The following ADCY9 variants were observed in gnomAD, a reference collection of about 807,000 sequenced individuals.
ADCY9 encodes adenylate cyclase 9.
A neutral mutation model predicts 101.5 loss-of-function variants in ADCY9; 50 were observed. The ratio of observed to expected loss-of-function variants is 0.49; its 90% CI spans 0.39 to 0.62. ADCY9 has a LOEUF of 0.62. Among genes scored for constraint, ADCY9 ranks in the 20% least tolerant of loss-of-function variants. The pLI is 0.00. For synonymous variants in ADCY9, 905 were observed against 769.3 expected (o/e 1.18, Z -2.92); for missense variants, 1,662 against 1,800.4 (o/e 0.92, Z 1.39).
At chr16:4,023,160 G>A (rs1444061061) in intron 2 of ADCY9, among the ~76,000 whole-genome samples, 1 of 152,226 alleles carries the variant, frequency 6.6e-6, no homozygotes, top group Admixed American at 6.5e-5. Context: ...GAAACAAGAA[G>A]TTGTTTGTTT....
At chr16:4,056,440 G>C (rs900669567) in intron 2 of ADCY9, among the ~76,000 whole-genome samples, 17 of 152,180 alleles carry the variant, frequency 1.1e-4, no homozygotes, top group African/African-American at 3.9e-4. Context: ...TTTTAGTAGA[G>C]ATGGTGTTTC....
rs577726854 is a variant in ADCY9, at chr16:4,026,532, G to A, written c.1694-18974C>T. Among the ~76,000 whole-genome samples the A allele has an allele frequency of 6.4e-4, 97 of 151,466 alleles. 1 individual carries two copies. The highest frequency in any genetic ancestry group is 2.3e-3 in the African/African-American group (94 of 41,248). ...ATCAAACCTTATGTTTACAAAAAAC[G>A]CTGTACGCAAATGTTTGTAGCGGCA... On this transcript the variant is annotated intron_variant, in intron 2 of 10. Transcript: ENST00000294016.
rs528327550 is a variant in ADCY9 at position 4,052,444 on chromosome 16, C to T, written c.1694-44886G>A. Among the ~76,000 whole-genome samples, 38 of 152,056 alleles carry T rather than the reference C, an allele frequency of 2.5e-4. No individual in the cohort carries two copies. In the South Asian group the frequency reaches 7.5e-3, roughly 30 times the overall value. ...TCTGCAGTCTATTCTCAAATTATTCCGGAAAAAAGGGATGTGTGTATGTGG... is the reference window on the plus strand; with the variant it reads ...TCTGCAGTCTATTCTCAAATTATTCTGGAAAAAAGGGATGTGTGTATGTGG... On this transcript the variant is annotated intron_variant, in intron 2 of 10. Coordinates refer to ENST00000294016, the MANE Select transcript of ADCY9 (RefSeq NM_001116.4).
At chr16:3,954,072 C>G (rs571276683) in intron 5 of ADCY9, among the ~76,000 whole-genome samples, 1 of 152,308 alleles carries the variant, frequency 6.6e-6, no homozygotes, top group African/African-American at 2.4e-5. Context: ...GATTTTTCCA[C>G]TTGGCACTCA....
At chr16:4,080,354 C>T (rs2056893822) in intron 2 of ADCY9, among the ~76,000 whole-genome samples, 1 of 152,184 alleles carries the variant, frequency 6.6e-6, no homozygotes, top group Admixed American at 6.5e-5. Context: ...AGTGATTCTC[C>T]TGCCTTAGCC....
At chr16:3,957,419 T>C (rs2055913716) in intron 5 of ADCY9, among the ~76,000 whole-genome samples, 1 of 151,902 alleles carries the variant, frequency 6.6e-6, no homozygotes, top group African/African-American at 2.4e-5. Flanking sequence ...GTCATTCTCT[T>C]GAAGTCAAAG....
intron 3 of ADCY9, among the ~76,000 whole-genome samples, chr16:4,000,228 A>G (rs1337215787): frequency 6.6e-6 from 1 of 152,240 alleles, no homozygotes; most frequent in Non-Finnish European, 1.5e-5. Flanking sequence ...GTAAGCAACC[A>G]CGATGCAGGT....
intron 2 of ADCY9, among the ~76,000 whole-genome samples, chr16:4,064,424 T>C (rs763916915): frequency 1.3e-5 from 2 of 152,220 alleles, no homozygotes; most frequent in Non-Finnish European, 2.9e-5. Context: ...GAGTTGATTA[T>C]ACTACTCTCT....
At chr16:4,089,218 G>A (rs1372597272) in intron 2 of ADCY9, among the ~76,000 whole-genome samples, 1 of 152,000 alleles carries the variant, frequency 6.6e-6, no homozygotes. Flanking sequence ...GGGACCACAG[G>A]TGCATGCCAC....
intron 6 of ADCY9, among the ~76,000 whole-genome samples, chr16:3,985,234 G>A (rs1018606358): frequency 6.8e-6 from 1 of 147,904 alleles, no homozygotes; most frequent in Non-Finnish European, 1.5e-5. Context: ...CCGCCTCCCA[G>A]GTTCAAGCAA....
chr16:4,097,700 C>A (rs542820316), intron 2 of ADCY9, among the ~76,000 whole-genome samples: 37 of 151,096 alleles, frequency 2.4e-4, no homozygotes, highest in Middle Eastern at 3.4e-3. Flanking sequence ...GTGCCCACCA[C>A]CATGCCCAGC....
intron 2 of ADCY9, among the ~76,000 whole-genome samples, chr16:4,098,727 G>A (rs2057024239): frequency 1.3e-5 from 2 of 152,110 alleles, no homozygotes; most frequent in South Asian, 4.1e-4. Flanking sequence ...GATGCAAGAT[G>A]GAAAAGAGAG....
rs2056161354 is a variant in ADCY9 at position 3,983,313 on chromosome 16, G to C, written c.2438C>G (p.Thr813Ser). The C allele has an allele frequency of 6.4e-7, 1 of 1,569,596 alleles. No individual in the cohort carries two copies. The highest frequency in any genetic ancestry group is 8.6e-7 in the Non-Finnish European group (1 of 1,157,940). ...TTCFLKYEAATVPPPPAALAV... is the reference protein window; with the variant it reads ...TTCFLKYEAASVPPPPAALAV... ...CAGGGCGGCGGGCGGGGGAGGCACGGTGGCCGCCTCGTACTTCAGGAAGCA... is the reference window on the plus strand; with the variant it reads ...CAGGGCGGCGGGCGGGGGAGGCACGCTGGCCGCCTCGTACTTCAGGAAGCA... Residue 813 changes from threonine (T) to serine (S), a missense_variant, in exon 7 of 11, where the codon ACC (threonine) becomes AGC (serine). Physicochemically the swap from Thr to Ser is moderately conservative, Grantham distance 58. Coordinates refer to ENST00000294016, the MANE Select transcript of ADCY9 (RefSeq NM_001116.4).
chr16:4,039,679 CA>C (rs35158886), intron 2 of ADCY9, among the ~76,000 whole-genome samples: 13,397 of 64,630 alleles, frequency 0.21, 624 homozygotes, highest in African/African-American at 0.27. Context: ...AACTCTGTCT[CA>C]AAAAAAAAAA....
chr16:4,077,904 C>T (rs921239351), intron 2 of ADCY9, among the ~76,000 whole-genome samples: 5 of 130,926 alleles, frequency 3.8e-5, no homozygotes, highest in Admixed American at 7.6e-5. Flanking sequence ...TGGGAGTCTT[C>T]GGCAGAATTG....
intron 5 of ADCY9, among the ~76,000 whole-genome samples, chr16:3,957,170 G>A (rs755723335): frequency 2.1e-4 from 32 of 152,234 alleles, no homozygotes; most frequent in Non-Finnish European, 3.4e-4. Context: ...GTAATACCGC[G>A]CTCTGTTTCT....
At chr16:4,019,533 C>T (rs959388558) in intron 2 of ADCY9, among the ~76,000 whole-genome samples, 1 of 152,206 alleles carries the variant, frequency 6.6e-6, no homozygotes, top group Non-Finnish European at 1.5e-5. Flanking sequence ...GCTGGGTCCC[C>T]GGCCATCAAC....
rs373636597 is a variant in ADCY9 at position 3,979,227 on chromosome 16, C to T, written c.2568G>A (p.Leu856=). ...GTGGTAGCCAGCCGGCGATCCACTC[C>T]AGCAGGCGCTTGGTGCAGGCCATGA... The part of the protein sequence containing the change: ...EDVMACTKRL[L]EWIAGWLPRH... Residue 856 remains leucine (L), a synonymous_variant, in exon 8 of 11, where the codon CTG becomes CTA. Transcript: ENST00000294016. 90 of 1,613,958 alleles carry T rather than the reference C, an allele frequency of 5.6e-5. No individual in the cohort carries two copies. Among genetic ancestry groups the T allele is most frequent in the Non-Finnish European group, 7.5e-5 (88 of 1,180,020 alleles).
intron 2 of ADCY9, among the ~76,000 whole-genome samples, chr16:4,007,949 T>C (rs1453571618): frequency 6.6e-6 from 1 of 152,098 alleles, no homozygotes; most frequent in African/African-American, 2.4e-5. Flanking sequence ...ACCAGTCCAG[T>C]GAGTACCTTC....
Sources: allele counts gnomAD v4.1 joint callset (sites outside exome capture counted in the v4.1 genomes callset), GRCh38; gene constraint gnomAD v4.1.1; transcripts MANE v1.5; gene names NCBI Gene and HGNC (gene_info 2026-07-23, HGNC 2026-07-21).